CNBD1: variants seen among roughly 807,000 people sequenced by gnomAD.
CNBD1 encodes the protein cyclic nucleotide-binding domain-containing protein 1.
In CNBD1, 71 loss-of-function variants were observed where a neutral mutation model predicts 54.4. The observed-to-expected ratio is 1.30, with a 90% CI of 1.08 to 1.59. The LOEUF (loss-of-function observed/expected upper bound fraction) is 1.59, where lower values mean the gene tolerates loss of function less well. Ranked by LOEUF, CNBD1 falls within the 40% of genes most tolerant of loss-of-function variation. CNBD1 has a pLI of 0.00. For missense variants in CNBD1, 659 were observed against 518.0 expected (o/e 1.27, Z -2.64); for synonymous variants, 182 against 170.7 (o/e 1.07, Z -0.51).
chr8:87,319,992 A>T (rs1238497850), intron 8 of CNBD1, among the ~76,000 whole-genome samples: 1 of 152,096 alleles, frequency 6.6e-6, no homozygotes, highest in Non-Finnish European at 1.5e-5. Flanking sequence ...AATTTCAAAA[A>T]GTATGTCCCC....
At chr8:87,307,765 T>TATATATATAA (rs1176218138) in intron 8 of CNBD1, among the ~76,000 whole-genome samples, 2 of 148,996 alleles carry the variant, frequency 1.3e-5, no homozygotes, top group Non-Finnish European at 3.0e-5. Flanking sequence ...TATATATATA[T>TATATATATAA]AACTTAGCAA....
Position 87,355,130 on chromosome 8 carries a change from GTGTT to G in CNBD1, c.1303+1348_1303+1351del, listed in dbSNP as rs546995313. Among the ~76,000 whole-genome samples the G allele has an allele frequency of 4.1e-3, 620 of 152,298 alleles. 8 individuals are homozygous for G. Among genetic ancestry groups the G allele is most frequent in the African/African-American group, 0.014 (571 of 41,564 alleles). On this transcript the variant is annotated intron_variant, in intron 10 of 10. Transcript: ENST00000518476. ...CAGACAAATTGGGATACTCAAGTGA[GTGTT>G]TGTATGTATATTATGTACAAAGACA...
intron 4 of CNBD1, among the ~76,000 whole-genome samples, chr8:87,143,882 T>A (rs895807266): frequency 6.6e-6 from 1 of 152,160 alleles, no homozygotes. Flanking sequence ...AGTTTTACTT[T>A]TTGCAGTGCT....
intron 1 of CNBD1, among the ~76,000 whole-genome samples, chr8:86,885,104 C>T (rs572945663): frequency 1.3e-5 from 2 of 152,228 alleles, no homozygotes; most frequent in East Asian, 3.9e-4. Context: ...TTATATACCT[C>T]TTAAAGGAAA....
chr8:87,202,984 A>C (rs1813895612), intron 4 of CNBD1, among the ~76,000 whole-genome samples: 1 of 152,138 alleles, frequency 6.6e-6, no homozygotes, highest in Non-Finnish European at 1.5e-5. Context: ...AAAAATCACA[A>C]AAAATTTTTG....
chr8:87,027,611 A>G (rs1809677953), intron 4 of CNBD1, among the ~76,000 whole-genome samples: 1 of 152,112 alleles, frequency 6.6e-6, no homozygotes, highest in Non-Finnish European at 1.5e-5. Flanking sequence ...TCAGACTCCA[A>G]AGACCACTGG....
intron 8 of CNBD1, among the ~76,000 whole-genome samples, chr8:87,330,857 A>G (rs138319929): frequency 5.4e-4 from 82 of 152,320 alleles, no homozygotes; most frequent in African/African-American, 1.9e-3. Context: ...AAATACATAT[A>G]TATAAAATGT....
intron 8 of CNBD1, among the ~76,000 whole-genome samples, chr8:87,334,742 T>A (rs1163778316): frequency 1.3e-5 from 2 of 148,858 alleles, no homozygotes; most frequent in Non-Finnish European, 3.0e-5. Context: ...TTTTTTAAGA[T>A]GGAGTCTCGC....
At chr8:87,353,873 T>G (rs989197853) in intron 10 of CNBD1, 87 bp downstream of exon 10, 5 of 905,388 alleles carry the variant, frequency 5.5e-6, no homozygotes, top group Admixed American at 3.1e-5. Context: ...ATTAATCAGA[T>G]GCATATTTAT....
At chr8:87,400,247 AC>A (rs1283397227) in intron 2 of CNBD1, among the ~76,000 whole-genome samples, 2 of 151,938 alleles carry the variant, frequency 1.3e-5, no homozygotes, top group Middle Eastern at 3.2e-3. Flanking sequence ...TTTTGCCATT[AC>A]TTTTAATGGC....
chr8:87,331,307 G>A (rs1809825376), intron 8 of CNBD1, among the ~76,000 whole-genome samples: 1 of 152,310 alleles, frequency 6.6e-6, no homozygotes, highest in South Asian at 2.1e-4. Context: ...GTGAGAACAT[G>A]CAGTGTTTGG....
At chr8:87,380,822 A>C (rs1457196734) in intron 10 of CNBD1, among the ~76,000 whole-genome samples, 1 of 152,062 alleles carries the variant, frequency 6.6e-6, no homozygotes, top group African/African-American at 2.4e-5. Context: ...CAAAAATAGC[A>C]TTGGAAAATT....
chr8:87,053,211 C>G, intron 4 of CNBD1, among the ~76,000 whole-genome samples: 1 of 152,182 alleles, frequency 6.6e-6, no homozygotes, highest in East Asian at 1.9e-4. Flanking sequence ...AAAGCCAGTA[C>G]ATAGGGAACT....
intron 8 of CNBD1, among the ~76,000 whole-genome samples, chr8:87,306,297 T>A (rs1001629867): frequency 6.6e-6 from 1 of 152,122 alleles, no homozygotes; most frequent in Non-Finnish European, 1.5e-5. Flanking sequence ...ATACTGCTGG[T>A]GGGAGTGTAA....
At chr8:87,301,529 G>A (rs1217458177) in intron 8 of CNBD1, among the ~76,000 whole-genome samples, 4 of 152,082 alleles carry the variant, frequency 2.6e-5, no homozygotes. Flanking sequence ...CAAAGATGCA[G>A]GGATAGTTTA....
At chr8:87,380,048 T>A (rs114299915) in intron 10 of CNBD1, among the ~76,000 whole-genome samples, 2,473 of 151,338 alleles carry the variant, frequency 0.016, 66 homozygotes, top group African/African-American at 0.055. Flanking sequence ...AAGACAATAA[T>A]ATAAACTAGT....
chr8:86,951,019 A>G (rs1251862900), intron 4 of CNBD1, among the ~76,000 whole-genome samples: 16 of 152,112 alleles, frequency 1.1e-4, no homozygotes, highest in Admixed American at 1.0e-3. Flanking sequence ...ATCAGATGCA[A>G]TGTTCCCTTT....
intron 4 of CNBD1, among the ~76,000 whole-genome samples, chr8:86,943,896 T>G (rs1807397755): frequency 6.6e-6 from 1 of 151,942 alleles, no homozygotes; most frequent in African/African-American, 2.4e-5. Context: ...AGATACAAAC[T>G]CTAAGGCAAC....
chr8:86,907,203 C>T (rs565289854), intron 3 of CNBD1, among the ~76,000 whole-genome samples: 7 of 152,298 alleles, frequency 4.6e-5, no homozygotes, highest in African/African-American at 1.2e-4. Flanking sequence ...TGTTCTGAAA[C>T]AGGCCCAGCA....
Sources: allele counts gnomAD v4.1 joint callset (sites outside exome capture counted in the v4.1 genomes callset), GRCh38; gene constraint gnomAD v4.1.1; transcripts MANE v1.5; gene names NCBI Gene and HGNC (gene_info 2026-07-23, HGNC 2026-07-21).